The following ARHGEF9 variants were observed in gnomAD, a reference collection of about 807,000 sequenced individuals.
ARHGEF9 encodes Cdc42 guanine nucleotide exchange factor 9.
In ARHGEF9, 2 loss-of-function variants were observed where a neutral mutation model predicts 41.3. That is an observed-to-expected ratio of 0.05 (90% CI 0.02 to 0.15). The LOEUF is 0.15. Ranked by LOEUF, ARHGEF9 falls within the 10% of genes least tolerant of loss-of-function variation. ARHGEF9 has a pLI of 1.00. For synonymous variants in ARHGEF9, 160 were observed against 154.4 expected (o/e 1.04, Z -0.27); for missense variants, 225 against 424.7 (o/e 0.53, Z 4.13).
At chrX:63,648,105 C>A (rs1260170620) in intron 8 of ARHGEF9, among the ~76,000 whole-genome samples, 2 of 110,885 alleles carry the variant, frequency 1.8e-5, no homozygotes, top group Non-Finnish European at 3.8e-5. Flanking sequence ...GAGAACACCA[C>A]AAAGATATTC....
At chrX:63,749,754 C>T (rs2147767250) in intron 1 of ARHGEF9, among the ~76,000 whole-genome samples, 1 of 112,536 alleles carries the variant, frequency 8.9e-6, no homozygotes, top group African/African-American at 3.2e-5. Context: ...TAGGCCCGTG[C>T]ACTGATAAGG....
chrX:63,742,675 C>T (rs1464650644), intron 1 of ARHGEF9, among the ~76,000 whole-genome samples: 3 of 111,841 alleles, frequency 2.7e-5, no homozygotes, highest in Non-Finnish European at 3.8e-5. Context: ...CTTTTAGGAT[C>T]AAGGCCCAGT....
chrX:63,701,272 T>A (rs1301155567), intron 3 of ARHGEF9, among the ~76,000 whole-genome samples: 1 of 110,951 alleles, frequency 9.0e-6, no homozygotes, highest in Non-Finnish European at 1.9e-5. Context: ...AGTTTAGACC[T>A]CAGTGTCTCT....
chrX:63,771,580 T>C (rs2056205799), intron 1 of ARHGEF9, among the ~76,000 whole-genome samples: 1 of 111,139 alleles, frequency 9.0e-6, no homozygotes, highest in Admixed American at 9.6e-5. Context: ...GAACTTTTTT[T>C]TTTTGAGACA....
chrX:63,726,179 C>T (rs2053953448), intron 1 of ARHGEF9, among the ~76,000 whole-genome samples: 1 of 110,823 alleles, frequency 9.0e-6, no homozygotes, highest in African/African-American at 3.3e-5. Context: ...AGGGTGAGCT[C>T]TTCAGGATAG....
intron 8 of ARHGEF9, among the ~76,000 whole-genome samples, chrX:63,654,207 A>G (rs1556333176): frequency 9.0e-6 from 1 of 110,622 alleles, no homozygotes; most frequent in Non-Finnish European, 1.9e-5. Context: ...ATGCCTGTTC[A>G]GAAAGTAATT....
chrX:63,764,207 CAT>C (rs2056079608), intron 1 of ARHGEF9, among the ~76,000 whole-genome samples: 1 of 112,676 alleles, frequency 8.9e-6, no homozygotes, highest in Non-Finnish European at 1.9e-5. Context: ...GACCAACAAA[CAT>C]ATGAAAAAAG....
At chrX:63,672,148 C>T (rs1418649833) in intron 6 of ARHGEF9, among the ~76,000 whole-genome samples, 2 of 110,787 alleles carry the variant, frequency 1.8e-5, no homozygotes, top group African/African-American at 6.6e-5. Context: ...AGAGTTCTCT[C>T]ATCCTTTCTG....
At chrX:63,743,889 A>G (rs782611728) in intron 1 of ARHGEF9, among the ~76,000 whole-genome samples, 1 of 112,206 alleles carries the variant, frequency 8.9e-6, no homozygotes, top group South Asian at 3.7e-4. Flanking sequence ...AGCTTGGGAT[A>G]AATAAAAGAA....
At chrX:63,661,684 T>C (rs782102419) in intron 7 of ARHGEF9, among the ~76,000 whole-genome samples, 1 of 111,225 alleles carries the variant, frequency 9.0e-6, no homozygotes, top group South Asian at 3.8e-4. Flanking sequence ...AAGCCACTGG[T>C]GACTTTCCCA....
At chrX:63,743,081 C>T (rs1556428499) in intron 1 of ARHGEF9, among the ~76,000 whole-genome samples, 1 of 111,691 alleles carries the variant, frequency 9.0e-6, no homozygotes, top group East Asian at 2.8e-4. Flanking sequence ...ACTAGAAATA[C>T]AAAAATTAGC....
chrX:63,648,503 A>T (rs1467398830), intron 8 of ARHGEF9, among the ~76,000 whole-genome samples: 1 of 111,679 alleles, frequency 9.0e-6, no homozygotes, highest in Non-Finnish European at 1.9e-5. Context: ...AGCACGCCAA[A>T]TTGTAAAGAC....
At chrX:63,755,139 A>G (rs2055884623) in intron 1 of ARHGEF9, 1 of 938,222 alleles carries the variant, frequency 1.1e-6, no homozygotes, top group East Asian at 4.2e-5. Flanking sequence ...CTCAGCCCAT[A>G]GGCTGCCTTT....
intron 4 of ARHGEF9, among the ~76,000 whole-genome samples, chrX:63,683,068 T>C (rs1556371283): frequency 9.1e-6 from 1 of 109,872 alleles, no homozygotes; most frequent in Non-Finnish European, 1.9e-5. Context: ...AAGATGATTA[T>C]ATATGTAGAA....
Position 63,706,312 on chromosome X carries a change from A to G in ARHGEF9, c.348T>C (p.Asn116=). Residue 116 remains asparagine (N), a synonymous_variant, in exon 3 of 10, where the codon AAT becomes AAC. Coordinates refer to ENST00000671741, the MANE Select transcript of ARHGEF9 (RefSeq NM_001353921.2). ...NRDQMRANVI[N]EIMSTERHYI... ...AGTGACGCTCAGTGCTCATTATCTC[A>G]TTGATGACATTGGCCCGCATCTGGT... is the stretch of plus-strand genomic sequence containing the variant. 8.3e-7 allele frequency: 1 copy of G among 1,205,395 alleles called. No homozygotes were observed.
chrX:63,724,467 G>C, intron 2 of ARHGEF9, 65 bp downstream of exon 2: 1 of 1,129,841 alleles, frequency 8.9e-7, no homozygotes, highest in Non-Finnish European at 1.2e-6. Context: ...ACAGAGGCTG[G>C]TGAAGGGGAA....
intron 2 of ARHGEF9, among the ~76,000 whole-genome samples, chrX:63,710,561 T>C (rs1431384841): frequency 9.1e-6 from 1 of 110,390 alleles, no homozygotes; most frequent in Non-Finnish European, 1.9e-5. Context: ...ATGAGTGAAA[T>C]AAGGTTACAA....
chrX:63,688,310 A>G (rs2051115162), intron 4 of ARHGEF9, among the ~76,000 whole-genome samples: 1 of 111,732 alleles, frequency 8.9e-6, no homozygotes, highest in Non-Finnish European at 1.9e-5. Flanking sequence ...AGAGATACAG[A>G]CTTTCCCAGA....
intron 8 of ARHGEF9, among the ~76,000 whole-genome samples, chrX:63,647,314 T>A (rs2048177599): frequency 8.9e-6 from 1 of 112,010 alleles, no homozygotes; most frequent in Non-Finnish European, 1.9e-5. Flanking sequence ...GTGCCAGTTT[T>A]CAAAGGGAAT....
Sources: allele counts gnomAD v4.1 joint callset (sites outside exome capture counted in the v4.1 genomes callset), GRCh38; gene constraint gnomAD v4.1.1; transcripts MANE v1.5; gene names NCBI Gene and HGNC (gene_info 2026-07-23, HGNC 2026-07-21).